The following MBD5 variants were observed in gnomAD, a reference collection of about 807,000 sequenced individuals.
MBD5 encodes the protein methyl-CpG binding domain protein 5.
MBD5 carries 13 observed loss-of-function variants against 117.3 expected under a neutral mutation model. That is an observed-to-expected ratio of 0.11 (90% CI 0.07 to 0.18). The LOEUF (loss-of-function observed/expected upper bound fraction) is 0.18. MBD5 is among the 10% of genes least tolerant of loss of function. The pLI is 1.00. For synonymous variants in MBD5, 727 were observed against 766.4 expected, an observed-to-expected ratio of 0.95 and a Z score of 0.85; for missense variants, 1,879 against 2,093.8, an observed-to-expected ratio of 0.90 and a Z score of 2.00.
chr2:148,124,377 G>A (rs1441618417), intron 1 of MBD5, among the ~76,000 whole-genome samples: 1 of 152,082 alleles, frequency 6.6e-6, no homozygotes, highest in Non-Finnish European at 1.5e-5. Context: ...AGGAGTTCAA[G>A]ACCTGCCTGG....
intron 2 of MBD5, among the ~76,000 whole-genome samples, chr2:148,207,381 A>G (rs184815850): frequency 5.9e-5 from 9 of 152,102 alleles, no homozygotes; most frequent in Admixed American, 5.9e-4. Context: ...GAAGGAGAGT[A>G]AAGGTCATTA....
intron 2 of MBD5, among the ~76,000 whole-genome samples, chr2:148,187,639 A>G (rs1388883738): frequency 6.6e-6 from 1 of 152,176 alleles, no homozygotes; most frequent in East Asian, 1.9e-4. Flanking sequence ...AAGATAATGG[A>G]ATGAGATCGG....
At chr2:148,023,447 A>G (rs1693820575) in intron 1 of MBD5, among the ~76,000 whole-genome samples, 1 of 152,212 alleles carries the variant, frequency 6.6e-6, no homozygotes. Flanking sequence ...AGTAAACAAT[A>G]TGATCTTATT....
At chr2:148,306,344 T>G (rs936327268) in intron 3 of MBD5, among the ~76,000 whole-genome samples, 11 of 152,196 alleles carry the variant, frequency 7.2e-5, no homozygotes, top group African/African-American at 2.7e-4. Context: ...TTAAATCTGT[T>G]TAGTCATATC....
At position 148,341,409 on chromosome 2, in the gene MBD5, G is replaced by A. The variant is rs552099052; in HGVS notation, c.-679-805G>A. On this transcript the variant is annotated intron_variant, in intron 3 of 13. Coordinates refer to ENST00000642680, the MANE Select transcript of MBD5 (RefSeq NM_001378120.1). ...AGGCCGACCCAGATTTAAGCTGAAT[G>A]TTTCTAAGACAGTGTTCTCATCTAC... Among the ~76,000 whole-genome samples the A allele has an allele frequency of 3.3e-5, 5 of 151,684 alleles. No homozygotes were observed. In the South Asian group the frequency reaches 1.0e-3, roughly 31 times the overall value.
chr2:148,101,321 G>T (rs1696211225), intron 1 of MBD5, among the ~76,000 whole-genome samples: 1 of 151,862 alleles, frequency 6.6e-6, no homozygotes. Context: ...AATTAGCCAG[G>T]CATGGTGGCA....
At chr2:148,117,262 T>C (rs1468890336) in intron 1 of MBD5, among the ~76,000 whole-genome samples, 4 of 152,080 alleles carry the variant, frequency 2.6e-5, no homozygotes, top group Admixed American at 6.6e-5. Context: ...ATAGCTTTTA[T>C]AGAATTTCAA....
chr2:148,062,963 T>A (rs975328855), intron 1 of MBD5, among the ~76,000 whole-genome samples: 1 of 152,178 alleles, frequency 6.6e-6, no homozygotes, highest in Non-Finnish European at 1.5e-5. Flanking sequence ...CAAATTATCT[T>A]GGAGAATGTC....
chr2:148,314,947 C>A (rs1203462882), intron 3 of MBD5, among the ~76,000 whole-genome samples: 1 of 152,212 alleles, frequency 6.6e-6, no homozygotes, highest in African/African-American at 2.4e-5. Flanking sequence ...TTGTTTGTAA[C>A]AACTATGTTT....
At position 148,513,375 on chromosome 2, in the gene MBD5, G is replaced by A. The variant is rs1682273821; in HGVS notation, c.*434G>A. On this transcript the variant is annotated 3_prime_UTR_variant, in exon 14 of 14. Coordinates refer to ENST00000642680, the MANE Select transcript of MBD5 (RefSeq NM_001378120.1). ...ATCTTTTATTGTACAAAGAAATAGT[G>A]TACAAAATTCTTTGGTTTCTATGGA... The A allele has an allele frequency of 5.8e-6, 1 of 172,136 alleles. No individual in the cohort carries two copies. Among genetic ancestry groups the A allele is most frequent in the African/African-American group, 2.4e-5 (1 of 41,676 alleles). 10.7% of individuals were successfully genotyped at this position (172,136 alleles called of 1,614,324 possible).
chr2:148,289,012 A>T (rs1417308319), intron 3 of MBD5, among the ~76,000 whole-genome samples: 1 of 152,212 alleles, frequency 6.6e-6, no homozygotes, highest in Admixed American at 6.5e-5. Flanking sequence ...GCAGCCCCTG[A>T]ACAACTCTTC....
intron 2 of MBD5, among the ~76,000 whole-genome samples, chr2:148,211,283 T>C (rs1257784893): frequency 1.3e-5 from 2 of 152,178 alleles, no homozygotes; most frequent in Non-Finnish European, 2.9e-5. Context: ...AGTTGGATCT[T>C]CAAATTTACA....
intron 2 of MBD5, among the ~76,000 whole-genome samples, chr2:148,207,573 T>C (rs73964459): frequency 0.032 from 4,871 of 151,378 alleles, 291 homozygotes; most frequent in African/African-American, 0.11. Context: ...GGTGGAAGAA[T>C]GAGGAAACAC....
At position 148,233,511 on chromosome 2, in the gene MBD5, G is replaced by C. The variant is rs1472912232; in HGVS notation, c.-680+116G>C. 2.0e-5 allele frequency: 3 copies of C among 152,118 alleles called. No homozygotes were observed. In the East Asian group the frequency reaches 5.8e-4, roughly 29 times the overall value. The allele number at this position is 152,118 out of a possible 1,614,324, so 9.4% of individuals were successfully genotyped here. ...AGTATTATTTCCTGTAGGAATTTATGTATGCATGTCTTTTTCTTTATTTTC... is the reference window on the plus strand; with the variant it reads ...AGTATTATTTCCTGTAGGAATTTATCTATGCATGTCTTTTTCTTTATTTTC... On this transcript the variant is annotated intron_variant, in intron 3 of 13. Coordinates refer to ENST00000642680, the MANE Select transcript of MBD5 (RefSeq NM_001378120.1).
At chr2:148,051,094 T>C (rs1337629841) in intron 1 of MBD5, among the ~76,000 whole-genome samples, 1 of 152,180 alleles carries the variant, frequency 6.6e-6, no homozygotes, top group African/African-American at 2.4e-5. Context: ...CCTTTAATTT[T>C]TTAAACAGTG....
intron 2 of MBD5, among the ~76,000 whole-genome samples, chr2:148,225,358 G>A (rs986268688): frequency 3.3e-5 from 5 of 151,640 alleles, no homozygotes; most frequent in African/African-American, 9.7e-5. Context: ...TCATCCCCCT[G>A]TTTTTTTGAC....
chr2:148,096,840 A>G (rs1201578332), intron 1 of MBD5, among the ~76,000 whole-genome samples: 4 of 152,174 alleles, frequency 2.6e-5, no homozygotes, highest in Non-Finnish European at 5.9e-5. Flanking sequence ...ATTCAATTCA[A>G]GGCACCTAGT....
intron 1 of MBD5, among the ~76,000 whole-genome samples, chr2:148,089,378 C>A (rs1695879165): frequency 6.6e-6 from 1 of 152,028 alleles, no homozygotes; most frequent in South Asian, 2.1e-4. Context: ...TTATACCTAA[C>A]AACTGCAAAA....
At chr2:148,078,309 G>T (rs1181475777) in intron 1 of MBD5, among the ~76,000 whole-genome samples, 1 of 152,064 alleles carries the variant, frequency 6.6e-6, no homozygotes, top group Non-Finnish European at 1.5e-5. Flanking sequence ...TGTGACTCCA[G>T]TAACTCTAAC....
Sources: allele counts gnomAD v4.1 joint callset (sites outside exome capture counted in the v4.1 genomes callset), GRCh38; gene constraint gnomAD v4.1.1; transcripts MANE v1.5; gene names NCBI Gene and HGNC (gene_info 2026-07-23, HGNC 2026-07-21).